CFHR4: variants seen among roughly 807,000 people sequenced by gnomAD.
CFHR4 encodes complement factor H related 4.
A neutral mutation model predicts 69.3 loss-of-function variants in CFHR4; 64 were observed. The observed-to-expected ratio is 0.92, with a 90% CI of 0.76 to 1.14. The LOEUF (loss-of-function observed/expected upper bound fraction) is 1.14. Ranked by LOEUF, CFHR4 falls within the 50% of genes most tolerant of loss-of-function variation. CFHR4 has a pLI of 0.00. For synonymous variants in CFHR4, 244 were observed against 237.0 expected (o/e 1.03, Z -0.27); for missense variants, 636 against 684.9 (o/e 0.93, Z 0.80).
chr1:196,915,300 G>A (rs1197375465), intron 9 of CFHR4, among the ~76,000 whole-genome samples, 162 bp downstream of exon 9: 179 of 149,366 alleles, frequency 1.2e-3, no homozygotes, highest in African/African-American at 4.1e-3. Flanking sequence ...AAGTGTATAA[G>A]CTTGGAAAAT....
At chr1:196,914,456 T>C (rs1291491773) in intron 7 of CFHR4, 39 bp from the exon 8 acceptor site, 2 of 1,584,796 alleles carry the variant, frequency 1.3e-6, no homozygotes, top group East Asian at 2.3e-5. Flanking sequence ...GTGCATCGTA[T>C]GGCATAGAAA....
At chr1:196,904,376 A>G (rs1353623328) in intron 2 of CFHR4, among the ~76,000 whole-genome samples, 2 of 151,522 alleles carry the variant, frequency 1.3e-5, no homozygotes, top group African/African-American at 4.9e-5. Context: ...AGATAGTAAA[A>G]TTGGTCCATT....
chr1:196,901,596 G>C lies in CFHR4; in HGVS notation c.59-822G>C, dbSNP rs545660920. ...TCATAGAAAAAATGAATATTCTTCT[G>C]GTATTACAAGTAGTAAATTATCTCC... On this transcript the variant is annotated intron_variant, in intron 1 of 9. Coordinates refer to ENST00000608469, the MANE Select transcript of CFHR4 (RefSeq NM_001201550.3). 1.8e-3 allele frequency among the ~76,000 whole-genome samples: 265 copies of C among 151,078 alleles called. 9 individuals carry two copies. Among genetic ancestry groups the C allele is most frequent in the African/African-American group, 6.1e-3 (250 of 40,970 alleles).
At chr1:196,916,574 T>C (rs1335434580) in intron 9 of CFHR4, among the ~76,000 whole-genome samples, 2 of 151,862 alleles carry the variant, frequency 1.3e-5, no homozygotes, top group African/African-American at 4.8e-5. Flanking sequence ...ATGTCCAAGT[T>C]TGAGCTCCAA....
At chr1:196,906,819 A>C (rs769118700) in intron 3 of CFHR4, 42 bp from the exon 4 acceptor site, 1 of 1,580,234 alleles carries the variant, frequency 6.3e-7, no homozygotes, top group South Asian at 1.2e-5. Flanking sequence ...GTTGTACATC[A>C]TATGGCATAG....
intron 5 of CFHR4, among the ~76,000 whole-genome samples, chr1:196,908,399 T>A (rs191820556): frequency 3.3e-5 from 5 of 151,684 alleles, no homozygotes; most frequent in Admixed American, 3.3e-4. Context: ...AAGTTCTTTC[T>A]CTGATTATTG....
At position 196,914,691 on chromosome 1, in the gene CFHR4, A is replaced by T. The variant is rs1558251921; in HGVS notation, c.1357+20A>T. 6 of 1,565,990 alleles carry T rather than the reference A, an allele frequency of 3.8e-6. No homozygotes were observed. Among genetic ancestry groups the T allele is most frequent in the African/African-American group, 1.4e-5 (1 of 70,922 alleles). On this transcript the variant is annotated intron_variant, in intron 8 of 9. Transcript: ENST00000608469. ...GTTATAGTAAGTATTTTATTCAAGT[A>T]TTTTTTATTAGAATTAAATAAAATA...
rs1407590178 is a variant in CFHR4 at position 196,910,270 on chromosome 1, T to C, written c.800-11T>C. 2 of 1,547,290 alleles carry C rather than the reference T, an allele frequency of 1.3e-6. No homozygotes were observed. On this transcript the variant is annotated splice_polypyrimidine_tract_variant and intron_variant, in intron 5 of 9. Coordinates refer to ENST00000608469, the MANE Select transcript of CFHR4 (RefSeq NM_001201550.3). The stretch of plus-strand genomic sequence containing the variant: ...AACATTATTTATACTATTTTTGTTT[T>C]TTGTTACAAGCAATGAAACCTTGTG...
At position 196,902,540 on chromosome 1, in the gene CFHR4, G is replaced by A. The variant is rs1657679905; in HGVS notation, c.181G>A (p.Val61Met). Residue 61 changes from valine (V) to methionine (M), a missense_variant, in exon 2 of 10, where the codon GTG becomes ATG. By Grantham distance (21) the Val-to-Met change is conservative. Transcript: ENST00000608469. ...TTCCTATTACTGTGATCAAAATTTTGTGACTCCTTCAGGAAGTTACTGGGA... is the reference window on the plus strand; with the variant it reads ...TTCCTATTACTGTGATCAAAATTTTATGACTCCTTCAGGAAGTTACTGGGA... Reference protein sequence around the residue: ...SYSYYCDQNFVTPSGSYWDYI... With the variant: ...SYSYYCDQNFMTPSGSYWDYI... 1.2e-6 allele frequency: 2 copies of A among 1,612,168 alleles called. No individual in the cohort carries two copies. Among genetic ancestry groups the A allele is most frequent in the East Asian group, 2.2e-5 (1 of 44,798 alleles).
Position 196,889,711 on chromosome 1 carries a change from C to T in CFHR4, c.58+1503C>T, listed in dbSNP as rs75387425. On this transcript the variant is annotated intron_variant, in intron 1 of 9. Coordinates refer to ENST00000608469, the MANE Select transcript of CFHR4 (RefSeq NM_001201550.3). ...TCAGTAGCATTGGCTCAACTGCATC[C>T]CTCCAAAATTTATTTGTAAAAGTCC... is the stretch of plus-strand genomic sequence containing the variant. 5.8e-3 allele frequency among the ~76,000 whole-genome samples: 883 copies of T among 151,508 alleles called. 46 individuals carry two copies. Among genetic ancestry groups the T allele is most frequent in the African/African-American group, 0.021 (852 of 41,126 alleles).
chr1:196,904,921 C>G (rs761761033), intron 2 of CFHR4, among the ~76,000 whole-genome samples, 187 bp from the exon 3 acceptor site: 14 of 151,468 alleles, frequency 9.2e-5, no homozygotes, highest in Non-Finnish European at 1.6e-4. Context: ...TTTATTCTGC[C>G]CTTCCCTGTG....
chr1:196,907,068 C>G (rs1657950643), intron 4 of CFHR4, 31 bp downstream of exon 4: 2 of 1,562,812 alleles, frequency 1.3e-6, no homozygotes, highest in Non-Finnish European at 1.7e-6. Flanking sequence ...TTTCTTTTTA[C>G]TAGAATTAAA....
At chr1:196,903,459 C>T (rs1312586959) in intron 2 of CFHR4, among the ~76,000 whole-genome samples, 4 of 150,820 alleles carry the variant, frequency 2.7e-5, no homozygotes, top group Admixed American at 2.6e-4. Flanking sequence ...TCAAGACCAG[C>T]CTGGTCAACA....
intron 2 of CFHR4, among the ~76,000 whole-genome samples, chr1:196,903,629 G>C (rs367981349): frequency 6.6e-6 from 1 of 150,496 alleles, no homozygotes; most frequent in African/African-American, 2.5e-5. Context: ...CTCCAGACTC[G>C]GTGATAGAGC....
chr1:196,903,683 A>G (rs781509154), intron 2 of CFHR4, among the ~76,000 whole-genome samples: 1 of 150,244 alleles, frequency 6.7e-6, no homozygotes, highest in Non-Finnish European at 1.5e-5. Context: ...ATATATATAT[A>G]TGTATATATA....
chr1:196,893,556 T>C (rs1344350788), intron 1 of CFHR4, among the ~76,000 whole-genome samples: 2 of 151,638 alleles, frequency 1.3e-5, no homozygotes, highest in African/African-American at 2.4e-5. Context: ...TATAATTTAT[T>C]TTTCTTTTAA....
chr1:196,913,887 T>G (rs1460840501), intron 7 of CFHR4, among the ~76,000 whole-genome samples: 3 of 151,434 alleles, frequency 2.0e-5, no homozygotes, highest in Admixed American at 6.6e-5. Flanking sequence ...TTTTGGGGGC[T>G]ATATCAATTC....
chr1:196,916,953 G>GA (rs967132584), intron 9 of CFHR4, among the ~76,000 whole-genome samples: 1 of 151,520 alleles, frequency 6.6e-6, no homozygotes, highest in African/African-American at 2.4e-5. Context: ...AAGCAATGAG[G>GA]AAAACTTTCC....
chr1:196,912,900 G>A lies in CFHR4; in HGVS notation c.1158G>A (p.Trp386Ter). 1.3e-5 allele frequency: 21 copies of A among 1,611,740 alleles called. No individual in the cohort carries two copies. Among genetic ancestry groups the A allele is most frequent in the Non-Finnish European group, 1.8e-5 (21 of 1,178,928 alleles). Residue 386 changes from tryptophan (W) to a stop codon, truncating the protein, a stop_gained, in exon 7 of 10, where the codon TGG becomes TGA. Transcript: ENST00000608469. LOFTEE classifies it high-confidence loss of function. Reference protein sequence around the residue: ...SGSITCLQNGWSAQPICIKFC... With the variant: ...SGSITCLQNG Reference sequence around the variant, plus strand: ...CAATTACATGTTTGCAAAATGGATGGTCAGCACAACCAATTTGCATTAGTA... The same window carrying A: ...CAATTACATGTTTGCAAAATGGATGATCAGCACAACCAATTTGCATTAGTA...
Sources: allele counts gnomAD v4.1 joint callset (sites outside exome capture counted in the v4.1 genomes callset), GRCh38; gene constraint gnomAD v4.1.1; transcripts MANE v1.5; gene names NCBI Gene and HGNC (gene_info 2026-07-23, HGNC 2026-07-21).